PTPRD: variants seen among roughly 807,000 people sequenced by gnomAD.
The protein encoded by PTPRD is protein tyrosine phosphatase receptor type D.
Under a neutral mutation model 214.5 loss-of-function variants are expected in PTPRD, and 34 were observed. The observed-to-expected ratio is 0.16, with a 90% CI of 0.12 to 0.21. The LOEUF is 0.21. Among genes scored for constraint, PTPRD ranks in the 10% least tolerant of loss-of-function variants. The pLI is 1.00. For synonymous variants in PTPRD, 1,128 were observed against 845.7 expected (o/e 1.33, Z -5.79); for missense variants, 2,545 against 2,398.7 (o/e 1.06, Z -1.27).
chr9:9,961,308 T>C (rs975451064), intron 4 of PTPRD, among the ~76,000 whole-genome samples: 2 of 152,156 alleles, frequency 1.3e-5, no homozygotes, highest in Non-Finnish European at 2.9e-5. Flanking sequence ...ACAAACAACA[T>C]GCCTTTGTCA....
In PTPRD at chr9:9,953,493, GACACACACACACAC is replaced by G. The variant is rs59836734; in HGVS notation, c.-471-14897_-471-14884del. ...TTAAATTAAAATAGAGGGAATTGTG[GACACACACACACAC>G]ACACACACACACACACATACATACA... is the stretch of plus-strand genomic sequence containing the variant. On this transcript the variant is annotated intron_variant, in intron 4 of 45. Coordinates refer to ENST00000381196, the MANE Select transcript of PTPRD (RefSeq NM_002839.4). Among the ~76,000 whole-genome samples, 4 of 145,328 alleles carry G rather than the reference GACACACACACACAC, an allele frequency of 2.8e-5. No homozygotes were observed. In the South Asian group the frequency reaches 8.8e-4, roughly 32 times the overall value.
At chr9:10,410,100 C>T (rs2098418294) in intron 2 of PTPRD, among the ~76,000 whole-genome samples, 1 of 151,264 alleles carries the variant, frequency 6.6e-6, no homozygotes, top group African/African-American at 2.4e-5. Flanking sequence ...TATAATATAT[C>T]AATGGATGCC....
chr9:9,335,799 C>T lies in PTPRD; in HGVS notation c.-203+61650G>A, dbSNP rs531984372. ...AATGAGGACCCAGAAACTAGAAAAA[C>T]GTAGATGTCTAAACTTCAAAGCAAT... On this transcript the variant is annotated intron_variant, in intron 9 of 45. Transcript: ENST00000381196. Among the ~76,000 whole-genome samples, 63 of 152,062 alleles carry T rather than the reference C, an allele frequency of 4.1e-4. No individual in the cohort carries two copies. In the Middle Eastern group the frequency reaches 0.034, roughly 82 times the overall value.
At chr9:9,381,604 C>T (rs977861631) in intron 9 of PTPRD, among the ~76,000 whole-genome samples, 8 of 151,976 alleles carry the variant, frequency 5.3e-5, no homozygotes, top group Admixed American at 1.3e-4. Flanking sequence ...CTACCCACCT[C>T]GGCCTCCCAA....
At chr9:8,869,693 C>T (rs972631787) in intron 11 of PTPRD, among the ~76,000 whole-genome samples, 1 of 150,256 alleles carries the variant, frequency 6.7e-6, no homozygotes, top group African/African-American at 2.5e-5. Context: ...GGCCTTTTTC[C>T]AGGATTTGCC....
At chr9:8,617,973 C>T (rs2095667552) in intron 14 of PTPRD, among the ~76,000 whole-genome samples, 2 of 152,054 alleles carry the variant, frequency 1.3e-5, no homozygotes, top group South Asian at 4.1e-4. Flanking sequence ...GGTAGGTTGT[C>T]CCACTTAAAG....
At chr9:8,391,027 G>A (rs2089347934) in intron 36 of PTPRD, among the ~76,000 whole-genome samples, 1 of 152,008 alleles carries the variant, frequency 6.6e-6, no homozygotes, top group African/African-American at 2.4e-5. Context: ...CTATCTGTAG[G>A]GGAGAACAAG....
chr9:8,558,819 T>C (rs2085009942), intron 14 of PTPRD, among the ~76,000 whole-genome samples: 1 of 152,204 alleles, frequency 6.6e-6, no homozygotes, highest in Non-Finnish European at 1.5e-5. Context: ...TTACATGCAA[T>C]GGCGAACTGA....
At chr9:10,173,389 A>T (rs1315808931) in intron 3 of PTPRD, among the ~76,000 whole-genome samples, 2 of 152,166 alleles carry the variant, frequency 1.3e-5, no homozygotes, top group African/African-American at 4.8e-5. Context: ...AGGAAAGTTT[A>T]AGTGATTTGC....
At chr9:10,410,815 C>G (rs1253183713) in intron 2 of PTPRD, among the ~76,000 whole-genome samples, 2 of 151,764 alleles carry the variant, frequency 1.3e-5, no homozygotes, top group Non-Finnish European at 2.9e-5. Context: ...CTAAATTTCA[C>G]ACACTGTTTT....
chr9:8,989,375 C>T (rs2099357575), intron 11 of PTPRD, among the ~76,000 whole-genome samples: 1 of 152,086 alleles, frequency 6.6e-6, no homozygotes, highest in Non-Finnish European at 1.5e-5. Context: ...GCTTTTGCTT[C>T]TCAGCCTCTA....
At chr9:8,398,842 A>T (rs997321798) in intron 36 of PTPRD, among the ~76,000 whole-genome samples, 1 of 152,158 alleles carries the variant, frequency 6.6e-6, no homozygotes, top group African/African-American at 2.4e-5. Flanking sequence ...CGAGGAATAA[A>T]TTTGTATGGT....
chr9:9,399,806 C>T lies in PTPRD; in HGVS notation c.-236-2324G>A, dbSNP rs112092004. Among the ~76,000 whole-genome samples the T allele has an allele frequency of 1.5e-3, 230 of 152,086 alleles. 1 individual carries two copies. Among genetic ancestry groups the T allele is most frequent in the African/African-American group, 4.6e-3 (192 of 41,506 alleles). On this transcript the variant is annotated intron_variant, in intron 8 of 45. Transcript: ENST00000381196. Reference sequence around the variant, plus strand: ...CTTCCGCCATGATTCTGAAGCCTCCCCAGCCATGTGGAACTGTGAATGAAT... The same window carrying T: ...CTTCCGCCATGATTCTGAAGCCTCCTCAGCCATGTGGAACTGTGAATGAAT...
chr9:10,578,154 C>T (rs372026865), intron 2 of PTPRD, among the ~76,000 whole-genome samples: 4 of 152,086 alleles, frequency 2.6e-5, no homozygotes, highest in Admixed American at 2.0e-4. Context: ...AGGTGATCCA[C>T]CTGCCTCGGC....
At chr9:10,079,175 A>G (rs995089495) in intron 3 of PTPRD, among the ~76,000 whole-genome samples, 7 of 151,986 alleles carry the variant, frequency 4.6e-5, no homozygotes, top group Non-Finnish European at 8.8e-5. Context: ...CTGGGAAGGT[A>G]AAAATGGTAC....
chr9:9,917,799 TA>T (rs1039436287), intron 5 of PTPRD, among the ~76,000 whole-genome samples: 7 of 152,022 alleles, frequency 4.6e-5, no homozygotes, highest in Non-Finnish European at 8.8e-5. Context: ...TGCAAATCAA[TA>T]AATGTGATAC....
At chr9:10,495,970 T>C (rs2041918638) in intron 2 of PTPRD, among the ~76,000 whole-genome samples, 1 of 151,926 alleles carries the variant, frequency 6.6e-6, no homozygotes, top group Middle Eastern at 3.5e-3. Context: ...TTGCATGTGT[T>C]TCATAACATC....
chr9:8,787,139 G>T (rs528063769), intron 11 of PTPRD, among the ~76,000 whole-genome samples: 12 of 152,082 alleles, frequency 7.9e-5, no homozygotes, highest in Non-Finnish European at 1.6e-4. Context: ...CCTGACCTGA[G>T]AAAACTATAT....
chr9:8,360,824 A>C (rs2078283769), intron 39 of PTPRD, among the ~76,000 whole-genome samples: 2 of 152,152 alleles, frequency 1.3e-5, no homozygotes, highest in South Asian at 4.1e-4. Flanking sequence ...TAGTTCTATA[A>C]ATTTCCTCTT....
Sources: gnomAD v4.1 joint callset for allele counts (sites outside exome capture counted in the v4.1 genomes callset) on GRCh38, gnomAD v4.1.1 for gene constraint, MANE v1.5 for transcripts, NCBI Gene and HGNC (gene_info 2026-07-23, HGNC 2026-07-21) for gene names.